The following MROH2B variants were observed in gnomAD, a reference collection of about 807,000 sequenced individuals.
The protein encoded by MROH2B is maestro heat-like repeat-containing protein family member 2B.
A neutral mutation model predicts 208.6 loss-of-function variants in MROH2B; 177 were observed. The observed-to-expected ratio is 0.85, with a 90% confidence interval of 0.75 to 0.96. The LOEUF (loss-of-function observed/expected upper bound fraction) is 0.96. Ranked by LOEUF, MROH2B falls within the 40% of genes least tolerant of loss-of-function variation. The pLI, the probability that MROH2B is intolerant of heterozygous loss-of-function variation, is 0.00. For synonymous variants in MROH2B, 728 were observed against 659.0 expected, an observed-to-expected ratio of 1.10 and a Z score of -1.60; for missense variants, 2,002 against 1,878.7, an observed-to-expected ratio of 1.07 and a Z score of -1.21.
chr5:41,060,691 C>T (rs1374186163), intron 6 of MROH2B, among the ~76,000 whole-genome samples: 2 of 152,160 alleles, frequency 1.3e-5, no homozygotes, highest in East Asian at 3.9e-4. Context: ...CTTTGTGTAC[C>T]TTCTGTTCAC....
At chr5:41,006,466 C>G (rs1430066394) in intron 34 of MROH2B, among the ~76,000 whole-genome samples, 1 of 152,104 alleles carries the variant, frequency 6.6e-6, no homozygotes, top group East Asian at 1.9e-4. Context: ...ACCGGTTGAT[C>G]CAACAGTCCC....
intron 21 of MROH2B, among the ~76,000 whole-genome samples, chr5:41,037,347 G>A (rs1742798727): frequency 6.6e-6 from 1 of 152,150 alleles, no homozygotes; most frequent in Non-Finnish European, 1.5e-5. Context: ...ATTTTATTAT[G>A]TTTTCTATTC....
At chr5:41,014,468 G>A (rs1741873876) in intron 29 of MROH2B, among the ~76,000 whole-genome samples, 1 of 152,130 alleles carries the variant, frequency 6.6e-6, no homozygotes, top group Admixed American at 6.5e-5. Context: ...GATAGCATTA[G>A]GAGATATACC....
At chr5:41,011,067 A>G (rs1741759029) in intron 30 of MROH2B, among the ~76,000 whole-genome samples, 1 of 152,066 alleles carries the variant, frequency 6.6e-6, no homozygotes, top group Non-Finnish European at 1.5e-5. Context: ...GAAAAGATGA[A>G]CCCAGATCTC....
intron 18 of MROH2B, among the ~76,000 whole-genome samples, chr5:41,043,272 A>G (rs954943689): frequency 1.3e-5 from 2 of 152,220 alleles, no homozygotes; most frequent in Non-Finnish European, 2.9e-5. Context: ...CAGTGGCCTC[A>G]ATCAGAGTGA....
rs1228779896 is a variant in MROH2B at position 41,008,643 on chromosome 5, G to T, written c.3571C>A (p.Gln1191Lys). The T allele has an allele frequency of 1.2e-6, 2 of 1,613,916 alleles. No homozygotes were observed. Among genetic ancestry groups the T allele is most frequent in the East Asian group, 4.5e-5 (2 of 44,874 alleles). The change falls in exon 33 of 42, where the codon CAG (glutamine) becomes AAG (lysine). Residue 1191 changes from glutamine (Q) to lysine (K), a missense_variant. By Grantham distance (53) the Gln-to-Lys change is moderately conservative (BLOSUM62 1). Coordinates refer to ENST00000399564, the MANE Select transcript of MROH2B (RefSeq NM_173489.5). The part of the protein sequence containing the change: ...CPWSHRRHVM[Q>K]QGEQQQIPDP... Reference sequence around the variant, plus strand: ...GGGATCTGCTGCTGTTCTCCCTGCTGCATCACATGCCGCCTATGGCTCCAG... The same window carrying T: ...GGGATCTGCTGCTGTTCTCCCTGCTTCATCACATGCCGCCTATGGCTCCAG...
At chr5:41,001,775 C>T (rs1379019210) in intron 37 of MROH2B, among the ~76,000 whole-genome samples, 2 of 151,794 alleles carry the variant, frequency 1.3e-5, no homozygotes, top group African/African-American at 4.8e-5. Flanking sequence ...GGAAGATGGC[C>T]TCCTATTACC....
intron 24 of MROH2B, among the ~76,000 whole-genome samples, chr5:41,029,409 C>A (rs796892175): frequency 1.3e-5 from 2 of 152,026 alleles, no homozygotes; most frequent in Non-Finnish European, 2.9e-5. Context: ...CATTTTTTCC[C>A]AATCCATAGG....
At chr5:41,040,889 A>T (rs1350669283) in intron 19 of MROH2B, among the ~76,000 whole-genome samples, 1 of 151,686 alleles carries the variant, frequency 6.6e-6, no homozygotes, top group African/African-American at 2.4e-5. Flanking sequence ...CTGGTCTCGA[A>T]CTCCTGACCT....
chr5:41,053,227 G>T (rs777220156), intron 11 of MROH2B, among the ~76,000 whole-genome samples: 12 of 152,216 alleles, frequency 7.9e-5, no homozygotes, highest in Admixed American at 2.6e-4. Context: ...TAAATTTAGT[G>T]CCAACTCATT....
chr5:41,051,065 T>C lies in MROH2B; in HGVS notation c.1256A>G (p.His419Arg), dbSNP rs780411971. 2.6e-6 allele frequency: 4 copies of C among 1,555,872 alleles called. No homozygotes were observed. The highest frequency in any genetic ancestry group is 3.5e-6 in the Non-Finnish European group (4 of 1,159,382). The part of the protein sequence containing the change: ...NLEKPVKTNF[H>R]ENEKEEESVR... ...AGATTCCTCTTCCTTTTCATTCTCA[T>C]GAAAGTTAGTTTTCACTGGTTTCTC... The change falls in exon 13 of 42, where the codon CAT becomes CGT. Residue 419 changes from histidine (H) to arginine (R), a missense_variant. By Grantham distance (29) the His-to-Arg change is conservative (BLOSUM62 0). Coordinates refer to ENST00000399564, the MANE Select transcript of MROH2B (RefSeq NM_173489.5).
Position 41,038,746 on chromosome 5 carries a change from T to C in MROH2B, c.2204A>G (p.Gln735Arg), listed in dbSNP as rs775381330. ...TGCAACGGGCATTACCTGAGAGCACTGGCCATGAAGAGACAGGACTTGGGA... is the reference window on the plus strand; with the variant it reads ...TGCAACGGGCATTACCTGAGAGCACCGGCCATGAAGAGACAGGACTTGGGA... ...IISQVLSLHG[Q>R]CSQVLGMSVM... The change falls in exon 21 of 42, where the codon CAG becomes CGG. Residue 735 changes from glutamine to arginine, a missense_variant. Physicochemically the swap from Gln to Arg is conservative, Grantham distance 43 (BLOSUM62 1). Coordinates refer to ENST00000399564, the MANE Select transcript of MROH2B (RefSeq NM_173489.5). 5.6e-6 allele frequency: 9 copies of C among 1,610,646 alleles called. No individual in the cohort carries two copies. Among genetic ancestry groups the C allele is most frequent in the South Asian group, 5.5e-5 (5 of 90,546 alleles).
At chr5:41,029,454 C>G (rs940782675) in intron 24 of MROH2B, among the ~76,000 whole-genome samples, 3 of 152,004 alleles carry the variant, frequency 2.0e-5, no homozygotes, top group African/African-American at 7.2e-5. Flanking sequence ...TCCCTTTGTG[C>G]TGCAGAAACT....
At chr5:41,035,790 TG>T (rs940255433) in intron 21 of MROH2B, among the ~76,000 whole-genome samples, 20 of 151,652 alleles carry the variant, frequency 1.3e-4, no homozygotes, top group Admixed American at 1.3e-3. Context: ...TGGGTCAGAA[TG>T]GCTGTTACAA....
chr5:41,055,944 A>AGTGCC, intron 9 of MROH2B, 89 bp from the exon 10 acceptor site: 1 of 887,112 alleles, frequency 1.1e-6, no homozygotes, highest in Non-Finnish European at 1.9e-6. Context: ...CACCATGAAG[A>AGTGCC]TTATCCAAGG....
At chr5:41,009,142 A>G in intron 32 of MROH2B, 138 bp downstream of exon 32, 1 of 1,230,006 alleles carries the variant, frequency 8.1e-7, no homozygotes, top group Non-Finnish European at 1.1e-6. Context: ...TAGAGCCACA[A>G]CTATAAACTG....
At chr5:41,063,690 C>T (rs757592695) in intron 5 of MROH2B, among the ~76,000 whole-genome samples, 9 of 152,110 alleles carry the variant, frequency 5.9e-5, no homozygotes, top group Admixed American at 3.3e-4. Flanking sequence ...TGGAAGGGAA[C>T]GTAGCAATCA....
chr5:41,009,583 C>T (rs575317620), intron 31 of MROH2B, among the ~76,000 whole-genome samples, 177 bp from the exon 32 acceptor site: 2 of 152,264 alleles, frequency 1.3e-5, no homozygotes, highest in South Asian at 4.1e-4. Context: ...GCATTCTAGC[C>T]TTGGGTTACA....
chr5:41,017,879 C>G lies in MROH2B; in HGVS notation c.2855G>C (p.Ser952Thr). ...TATATAGAACAGACCAATAGTTGAGCTAGCAGCCGCCTGACGGATGGTGGG... is the reference window on the plus strand; with the variant it reads ...TATATAGAACAGACCAATAGTTGAGGTAGCAGCCGCCTGACGGATGGTGGG... ...TLPTIRQAAA[S>T]STIGLFYIKG... The change falls in exon 28 of 42, where the codon AGC becomes ACC. Residue 952 changes from serine (S) to threonine (T), a missense_variant. Physicochemically the swap from Ser to Thr is moderately conservative, Grantham distance 58. Transcript: ENST00000399564. The G allele has an allele frequency of 6.3e-7, 1 of 1,594,520 alleles. No homozygotes were observed. Among genetic ancestry groups the G allele is most frequent in the Non-Finnish European group, 8.5e-7 (1 of 1,170,144 alleles).
Sources: gnomAD v4.1 joint callset for allele counts (sites outside exome capture counted in the v4.1 genomes callset) on GRCh38, gnomAD v4.1.1 for gene constraint, MANE v1.5 for transcripts, NCBI Gene and HGNC (gene_info 2026-07-23, HGNC 2026-07-21) for gene names.